The following JAZF1 variants were observed in gnomAD, a reference collection of about 807,000 sequenced individuals.
The protein encoded by JAZF1 is juxtaposed with another zinc finger protein 1.
In JAZF1, 8 loss-of-function variants were observed where a neutral mutation model predicts 26.4. The observed-to-expected ratio is 0.30, with a 90% CI of 0.18 to 0.55. The LOEUF (loss-of-function observed/expected upper bound fraction) is 0.55. Ranked by LOEUF, JAZF1 falls within the 20% of genes least tolerant of loss-of-function variation. The pLI, the probability that JAZF1 is intolerant of heterozygous loss-of-function variation, is 0.94. For synonymous variants in JAZF1, 126 were observed against 122.3 expected, an observed-to-expected ratio of 1.03 and a Z score of -0.20; for missense variants, 199 against 322.0, an observed-to-expected ratio of 0.62 and a Z score of 2.92.
intron 1 of JAZF1, among the ~76,000 whole-genome samples, chr7:28,081,710 G>A (rs1332020704): frequency 6.6e-6 from 1 of 152,042 alleles, no homozygotes; most frequent in South Asian, 2.1e-4. Context: ...TCAAGGCCAG[G>A]GAGTTTGTGA....
intron 1 of JAZF1, among the ~76,000 whole-genome samples, chr7:28,145,949 T>C (rs1783021672): frequency 6.6e-6 from 1 of 152,226 alleles, no homozygotes; most frequent in Non-Finnish European, 1.5e-5. Flanking sequence ...GCTATGTGGA[T>C]GAGGAGTTTG....
At chr7:28,045,620 A>G (rs888301799) in intron 1 of JAZF1, among the ~76,000 whole-genome samples, 3 of 152,176 alleles carry the variant, frequency 2.0e-5, no homozygotes, top group Non-Finnish European at 4.4e-5. Context: ...TCTGTCGCCA[A>G]GTTTGGAGTA....
intron 1 of JAZF1, among the ~76,000 whole-genome samples, chr7:28,056,791 C>T (rs372923533): frequency 1.3e-5 from 2 of 152,072 alleles, no homozygotes; most frequent in African/African-American, 4.8e-5. Context: ...AAACCCTTTC[C>T]CAAGTCTGTA....
At chr7:28,152,123 G>A (rs1380754583) in intron 1 of JAZF1, among the ~76,000 whole-genome samples, 1 of 152,132 alleles carries the variant, frequency 6.6e-6, no homozygotes, top group Non-Finnish European at 1.5e-5. Context: ...ATTTAGCTAG[G>A]TCTGTTGATG....
chr7:28,050,306 T>G (rs1232192933), intron 1 of JAZF1, among the ~76,000 whole-genome samples: 4 of 152,170 alleles, frequency 2.6e-5, no homozygotes, highest in Non-Finnish European at 5.9e-5. Context: ...AGACAGAAAG[T>G]AGGCTAGTGG....
At chr7:28,155,727 C>T (rs75006435) in intron 1 of JAZF1, among the ~76,000 whole-genome samples, 1 of 152,088 alleles carries the variant, frequency 6.6e-6, no homozygotes, top group Non-Finnish European at 1.5e-5. Context: ...CAGAAGAGAC[C>T]AAGAGAAACA....
intron 3 of JAZF1, among the ~76,000 whole-genome samples, chr7:27,887,351 G>A (rs1219771117): frequency 6.6e-6 from 1 of 152,108 alleles, no homozygotes; most frequent in Non-Finnish European, 1.5e-5. Flanking sequence ...TGTGAATGCT[G>A]TTGTGCACTA....
intron 3 of JAZF1, among the ~76,000 whole-genome samples, chr7:27,873,720 C>T (rs1265560867): frequency 2.6e-5 from 4 of 152,228 alleles, no homozygotes; most frequent in Non-Finnish European, 5.9e-5. Context: ...TTGTCTTCCT[C>T]TGTGACTTCA....
chr7:28,068,988 C>G (rs1257551858), intron 1 of JAZF1, among the ~76,000 whole-genome samples: 1 of 152,198 alleles, frequency 6.6e-6, no homozygotes, highest in East Asian at 1.9e-4. Context: ...CAAGGCCTCC[C>G]CTGGGAAAAT....
At chr7:28,158,719 C>T (rs554035490) in intron 1 of JAZF1, among the ~76,000 whole-genome samples, 2 of 152,254 alleles carry the variant, frequency 1.3e-5, no homozygotes, top group East Asian at 3.9e-4. Context: ...AGTTTTTTTG[C>T]CTAAGTCCTC....
intron 2 of JAZF1, among the ~76,000 whole-genome samples, chr7:27,943,980 T>C (rs1784888672): frequency 6.6e-6 from 1 of 152,230 alleles, no homozygotes; most frequent in African/African-American, 2.4e-5. Flanking sequence ...GCAATGTTGA[T>C]AGGAAATTAT....
intron 1 of JAZF1, among the ~76,000 whole-genome samples, chr7:28,067,565 A>T (rs1269260733): frequency 1.3e-5 from 2 of 152,188 alleles, no homozygotes; most frequent in Non-Finnish European, 2.9e-5. Flanking sequence ...TTCTGCTGGA[A>T]AGCTCTGGAG....
intron 2 of JAZF1, among the ~76,000 whole-genome samples, chr7:27,975,162 G>A (rs1407083277): frequency 6.6e-6 from 1 of 152,124 alleles, no homozygotes; most frequent in Non-Finnish European, 1.5e-5. Context: ...TGGGATTACA[G>A]GCGTGAGTCA....
intron 1 of JAZF1, among the ~76,000 whole-genome samples, chr7:28,064,098 C>A (rs1783841609): frequency 6.6e-6 from 1 of 151,766 alleles, no homozygotes; most frequent in African/African-American, 2.4e-5. Context: ...AATTGGACAT[C>A]CTGTAAATTA....
chr7:28,022,735 A>C (rs1390477577), intron 1 of JAZF1, among the ~76,000 whole-genome samples: 1 of 31,450 alleles, frequency 3.2e-5, no homozygotes, highest in African/African-American at 1.7e-4. Flanking sequence ...ATTTTCTTTA[A>C]TATTTCACTG....
chr7:28,027,008 T>G (rs1783105264), intron 1 of JAZF1, among the ~76,000 whole-genome samples: 1 of 152,216 alleles, frequency 6.6e-6, no homozygotes, highest in African/African-American at 2.4e-5. Flanking sequence ...AACAGACTCT[T>G]TAATTTATGG....
rs138276120 is a variant in JAZF1, at chr7:28,024,308, A to AAGAG, written c.116-32331_116-32328dup. ...AGACTCTGTCACAAAAAGAAAAACAAAGAGAGAGAGAGAGATGTTTAAGAA... is the reference window on the plus strand; with the variant it reads ...AGACTCTGTCACAAAAAGAAAAACAAAGAGAGAGAGAGAGAGAGATGTTTAAGAA... On this transcript the variant is annotated intron_variant, in intron 1 of 4. Coordinates refer to ENST00000283928, the MANE Select transcript of JAZF1 (RefSeq NM_175061.4). Among the ~76,000 whole-genome samples, 8 of 151,680 alleles carry AAGAG rather than the reference A, an allele frequency of 5.3e-5. No individual in the cohort carries two copies. In the East Asian group the frequency reaches 1.6e-3, roughly 30 times the overall value.
At chr7:27,901,789 T>C (rs1210454310) in intron 2 of JAZF1, among the ~76,000 whole-genome samples, 2 of 152,234 alleles carry the variant, frequency 1.3e-5, no homozygotes, top group African/African-American at 4.8e-5. Flanking sequence ...TCCTAGTTTT[T>C]CTACCTGTTA....
chr7:28,026,320 A>G (rs988890547), intron 1 of JAZF1, among the ~76,000 whole-genome samples: 2 of 152,222 alleles, frequency 1.3e-5, no homozygotes, highest in African/African-American at 4.8e-5. Context: ...GGTAGGCTGC[A>G]GTGGAGGAAG....
Sources: gnomAD v4.1 joint callset for allele counts (sites outside exome capture counted in the v4.1 genomes callset) on GRCh38, gnomAD v4.1.1 for gene constraint, MANE v1.5 for transcripts, NCBI Gene and HGNC (gene_info 2026-07-23, HGNC 2026-07-21) for gene names.